Variants in LPP observed in about 807,000 individuals in gnomAD.
LPP encodes the protein LIM domain containing preferred translocation partner in lipoma.
Under a neutral mutation model 60.4 loss-of-function variants are expected in LPP, and 38 were observed. That is an observed-to-expected ratio of 0.63 (90% confidence interval 0.49 to 0.83). The LOEUF (loss-of-function observed/expected upper bound fraction) is 0.83. Among genes scored for constraint, LPP ranks in the 40% least tolerant of loss-of-function variants. The pLI, the probability that LPP is intolerant of heterozygous loss-of-function variation, is 0.00. For missense variants in LPP, 902 were observed against 783.6 expected (o/e 1.15, Z -1.80); for synonymous variants, 328 against 290.8 (o/e 1.13, Z -1.30).
intron 7 of LPP, among the ~76,000 whole-genome samples, chr3:188,665,596 A>G (rs1855619831): frequency 6.6e-6 from 1 of 151,550 alleles, no homozygotes; most frequent in South Asian, 2.1e-4. Flanking sequence ...AGGAGCTGGG[A>G]TTACAGGCAC....
intron 2 of LPP, among the ~76,000 whole-genome samples, chr3:188,280,537 T>C (rs954373694): frequency 8.6e-5 from 13 of 151,890 alleles, no homozygotes; most frequent in African/African-American, 3.1e-4. Flanking sequence ...AGGAAATAGG[T>C]ATTATCAAAA....
chr3:188,774,338 T>G (rs1407287258), intron 9 of LPP, among the ~76,000 whole-genome samples: 1 of 152,194 alleles, frequency 6.6e-6, no homozygotes, highest in Non-Finnish European at 1.5e-5. Context: ...TTTAATCTTT[T>G]GCCTTTGTTT....
chr3:188,432,133 T>C (rs754184844), intron 4 of LPP, among the ~76,000 whole-genome samples: 17 of 152,278 alleles, frequency 1.1e-4, no homozygotes, highest in Non-Finnish European at 2.2e-4. Context: ...TTTCCATTTT[T>C]CAAGTGATGA....
chr3:188,422,912 TTTGTGTGTGTGTGTGTGTG>T (rs1485468282), intron 4 of LPP, among the ~76,000 whole-genome samples: 6 of 135,554 alleles, frequency 4.4e-5, no homozygotes, highest in African/African-American at 1.4e-4. Flanking sequence ...TGGTGTCTTC[TTTGTGTGTGTGTGTGTGTG>T]TGTGTGTGTG....
intron 6 of LPP, among the ~76,000 whole-genome samples, chr3:188,574,365 C>T (rs749506084): frequency 2.0e-5 from 3 of 152,178 alleles, no homozygotes; most frequent in Non-Finnish European, 4.4e-5. Flanking sequence ...CCAGCGAACA[C>T]GCTATATGCT....
chr3:188,247,361 T>C (rs1213286698), intron 2 of LPP, among the ~76,000 whole-genome samples: 1 of 152,046 alleles, frequency 6.6e-6, no homozygotes, highest in Non-Finnish European at 1.5e-5. Context: ...AATAGTTTTA[T>C]ACACTGTGTT....
intron 9 of LPP, among the ~76,000 whole-genome samples, chr3:188,823,321 A>G (rs1754507837): frequency 6.6e-6 from 1 of 152,168 alleles, no homozygotes; most frequent in Admixed American, 6.6e-5. Context: ...TGGCTGCAGC[A>G]TGGTTTATCT....
intron 4 of LPP, among the ~76,000 whole-genome samples, chr3:188,443,056 C>T (rs1794410852): frequency 6.6e-6 from 1 of 152,076 alleles, no homozygotes; most frequent in Non-Finnish European, 1.5e-5. Flanking sequence ...GACATGTGGA[C>T]AGGTTGATGA....
intron 3 of LPP, among the ~76,000 whole-genome samples, chr3:188,383,315 A>G (rs1326642723): frequency 6.6e-6 from 1 of 152,170 alleles, no homozygotes; most frequent in African/African-American, 2.4e-5. Flanking sequence ...TTTGGTGTGT[A>G]TTAGTGAGAA....
At chr3:188,305,915 C>T (rs376051673) in intron 2 of LPP, among the ~76,000 whole-genome samples, 29 of 152,166 alleles carry the variant, frequency 1.9e-4, no homozygotes, top group African/African-American at 6.5e-4. Context: ...TAAATATTCT[C>T]GTTGGTGCGG....
At chr3:188,657,443 A>G (rs980745082) in intron 7 of LPP, among the ~76,000 whole-genome samples, 3 of 151,878 alleles carry the variant, frequency 2.0e-5, no homozygotes, top group Admixed American at 1.3e-4. Context: ...CCTCGACATT[A>G]TAAATCATTG....
intron 6 of LPP, among the ~76,000 whole-genome samples, chr3:188,592,563 T>TGTTTTTTTTTTTTTTTTTTTTTTTTGG: frequency 1.3e-5 from 1 of 77,248 alleles, no homozygotes; most frequent in Non-Finnish European, 2.8e-5. Context: ...TTTTGTTTTT[T>TGTTTTTTTTTTTTTTTTTTTTTTTTGG]AAATGGAGTC....
rs745861693 is a variant in LPP at position 188,563,602 on chromosome 3, T to G, written c.429+38815T>G. Among the ~76,000 whole-genome samples, 83 of 152,032 alleles carry G rather than the reference T, an allele frequency of 5.5e-4. 1 individual carries two copies. Among genetic ancestry groups the G allele is most frequent in the South Asian group, 2.1e-4 (1 of 4,824 alleles). ...GCTCCATAGTGTAAGGGTTCATCAC[T>G]GAGTCTCTTTTATAGTGGAGAGCTT... On this transcript the variant is annotated intron_variant, in intron 6 of 11. Transcript: ENST00000617246.
At chr3:188,524,584 C>T (rs1819923252) in intron 5 of LPP, 81 bp from the exon 6 acceptor site, 2 of 1,447,926 alleles carry the variant, frequency 1.4e-6, no homozygotes, top group African/African-American at 1.4e-5. Context: ...GACAAAGCCA[C>T]ATTATAACTT....
intron 3 of LPP, among the ~76,000 whole-genome samples, chr3:188,376,468 T>G (rs566607770): frequency 6.6e-6 from 1 of 152,232 alleles, no homozygotes; most frequent in African/African-American, 2.4e-5. Context: ...AATGGCCTTC[T>G]TTGTCTCTTT....
In LPP at chr3:188,230,722, G is replaced by A. The variant is rs371675642; in HGVS notation, c.-67+5195G>A. On this transcript the variant is annotated intron_variant, in intron 2 of 11. Coordinates refer to ENST00000617246, the MANE Select transcript of LPP (RefSeq NM_001375462.1). ...CAGGAGGCGGAGGTTGCGGTGAGCC[G>A]AGATCGCACCATTGCACTCCAGCCT... Among the ~76,000 whole-genome samples the A allele has an allele frequency of 6.0e-5, 9 of 150,076 alleles. No individual in the cohort carries two copies. The East Asian group carries it at 1.8e-3, about 30-fold the overall frequency.
Position 188,884,626 on chromosome 3 carries a change from G to T in LPP, c.*10147G>T, listed in dbSNP as rs1000115305. ...ATTCCATTCACCAAAAACCTCTCTG[G>T]AACTGTCAGGTTCAGAATATCAACC... is the stretch of plus-strand genomic sequence containing the variant. On this transcript the variant is annotated 3_prime_UTR_variant, in exon 12 of 12. Transcript: ENST00000617246. 1.3e-5 allele frequency: 3 copies of T among 230,246 alleles called. No individual in the cohort carries two copies. Among genetic ancestry groups the T allele is most frequent in the African/African-American group, 2.2e-5 (1 of 45,288 alleles). The allele number at this position is 230,246 out of a possible 1,614,324, so 14.3% of individuals were successfully genotyped here.
chr3:188,249,422 G>A lies in LPP; in HGVS notation c.-67+23895G>A, dbSNP rs149547219. Among the ~76,000 whole-genome samples, 466 of 151,828 alleles carry A rather than the reference G, an allele frequency of 3.1e-3. 5 individuals carry two copies. Among genetic ancestry groups the A allele is most frequent in the African/African-American group, 0.01 (419 of 41,362 alleles). On this transcript the variant is annotated intron_variant, in intron 2 of 11. Transcript: ENST00000617246. ...TGAGATTGTGCCACTGGGCGACAGA[G>A]CAAGAGTGTCTCGAAGGAAGGAAGG...
chr3:188,812,412 AC>A, intron 9 of LPP, among the ~76,000 whole-genome samples: 1 of 152,272 alleles, frequency 6.6e-6, no homozygotes, highest in South Asian at 2.1e-4. Flanking sequence ...GGTGGATTTT[AC>A]CCAATGTTTT....
Sources: gnomAD v4.1 joint callset for allele counts (sites outside exome capture counted in the v4.1 genomes callset) on GRCh38, gnomAD v4.1.1 for gene constraint, MANE v1.5 for transcripts, NCBI Gene and HGNC (gene_info 2026-07-23, HGNC 2026-07-21) for gene names.